Variants in STK39 observed in about 807,000 individuals in gnomAD.
The protein encoded by STK39 is STE20/SPS1-related proline-alanine-rich protein kinase.
STK39 carries 20 observed loss-of-function variants against 77.8 expected under a neutral mutation model. The observed-to-expected ratio is 0.26, with a 90% CI of 0.18 to 0.37. The LOEUF is 0.37. Ranked by LOEUF, STK39 falls within the 10% of genes least tolerant of loss-of-function variation. The probability of loss-of-function intolerance (pLI) is 1.00; values close to 1 mark genes in which losing one functional copy is unlikely to be tolerated. For missense variants in STK39, 479 were observed against 656.5 expected (o/e 0.73, Z 2.95); for synonymous variants, 246 against 234.1 (o/e 1.05, Z -0.47).
intron 10 of STK39, among the ~76,000 whole-genome samples, chr2:168,105,131 G>A (rs1237748906): frequency 6.6e-6 from 1 of 152,204 alleles, no homozygotes; most frequent in Non-Finnish European, 1.5e-5. Context: ...TTTCAAAAAG[G>A]TGATCCTGAC....
intron 1 of STK39, among the ~76,000 whole-genome samples, chr2:168,223,236 G>A (rs967137970): frequency 5.9e-5 from 9 of 152,104 alleles, no homozygotes; most frequent in Non-Finnish European, 1.2e-4. Context: ...TTGGCCAGGC[G>A]CAGTGGCTCA....
intron 14 of STK39, among the ~76,000 whole-genome samples, chr2:168,027,645 A>G (rs1222202019): frequency 2.6e-5 from 4 of 152,170 alleles, no homozygotes; most frequent in Non-Finnish European, 4.4e-5. Flanking sequence ...CACATACACA[A>G]ATACGCACAA....
intron 17 of STK39, among the ~76,000 whole-genome samples, chr2:167,957,877 C>G (rs1378584648): frequency 6.6e-6 from 1 of 152,168 alleles, no homozygotes; most frequent in Non-Finnish European, 1.5e-5. Context: ...GAGAACATCA[C>G]AGAAGGAGTC....
chr2:168,082,399 A>G (rs1686257967), intron 10 of STK39, among the ~76,000 whole-genome samples: 1 of 152,202 alleles, frequency 6.6e-6, no homozygotes, highest in Non-Finnish European at 1.5e-5. Context: ...ATACCGTGCA[A>G]AAATGGTATC....
At chr2:168,198,006 C>A (rs1477502953) in intron 1 of STK39, among the ~76,000 whole-genome samples, 1 of 150,238 alleles carries the variant, frequency 6.7e-6, no homozygotes, top group Non-Finnish European at 1.5e-5. Context: ...CCATTGCACT[C>A]CAGCCTGGGC....
intron 8 of STK39, among the ~76,000 whole-genome samples, chr2:168,134,184 C>T (rs1687773605): frequency 6.6e-6 from 1 of 152,064 alleles, no homozygotes; most frequent in African/African-American, 2.4e-5. Flanking sequence ...AATAATGGTC[C>T]AGGCTTTGAA....
At chr2:168,239,323 A>C (rs1430239838) in intron 1 of STK39, among the ~76,000 whole-genome samples, 1 of 151,986 alleles carries the variant, frequency 6.6e-6, no homozygotes, top group African/African-American at 2.4e-5. Context: ...GGACTTCCCC[A>C]CTCCACCCTA....
chr2:168,044,285 A>G (rs965079024), intron 14 of STK39, among the ~76,000 whole-genome samples: 8 of 152,192 alleles, frequency 5.3e-5, no homozygotes, highest in Non-Finnish European at 1.0e-4. Context: ...TACAGTTTCA[A>G]CACCAATAAC....
intron 16 of STK39, among the ~76,000 whole-genome samples, chr2:167,993,372 A>G (rs1683751493): frequency 6.6e-6 from 1 of 152,198 alleles, no homozygotes; most frequent in Non-Finnish European, 1.5e-5. Flanking sequence ...AAGAATCACT[A>G]AAAGCCAAAT....
At chr2:168,154,287 C>G (rs1378236668) in intron 5 of STK39, among the ~76,000 whole-genome samples, 1 of 152,122 alleles carries the variant, frequency 6.6e-6, no homozygotes, top group Middle Eastern at 3.2e-3. Context: ...TAAAGTTATC[C>G]ACTTGTTAGA....
intron 5 of STK39, among the ~76,000 whole-genome samples, chr2:168,151,979 C>T (rs150315849): frequency 0.018 from 2,798 of 152,266 alleles, 57 homozygotes; most frequent in African/African-American, 0.05. Context: ...ATAATCTGCC[C>T]ATCTATGTCA....
At chr2:168,187,144 A>T (rs1299618217) in intron 1 of STK39, among the ~76,000 whole-genome samples, 1 of 152,114 alleles carries the variant, frequency 6.6e-6, no homozygotes, top group Non-Finnish European at 1.5e-5. Context: ...CAAGGTCAGG[A>T]ATTTGAGACC....
At chr2:168,234,284 G>A (rs1257470852) in intron 1 of STK39, among the ~76,000 whole-genome samples, 2 of 152,206 alleles carry the variant, frequency 1.3e-5, no homozygotes, top group East Asian at 3.8e-4. Flanking sequence ...AGCCTGTAAG[G>A]CAGTCGTAGC....
chr2:168,095,097 A>C (rs1686627215), intron 10 of STK39, among the ~76,000 whole-genome samples: 1 of 152,102 alleles, frequency 6.6e-6, no homozygotes, highest in Non-Finnish European at 1.5e-5. Flanking sequence ...AGCTGTCTTT[A>C]ACAGCTTCTT....
intron 10 of STK39, among the ~76,000 whole-genome samples, chr2:168,117,682 G>C (rs957623882): frequency 7.2e-5 from 11 of 151,850 alleles, no homozygotes; most frequent in Non-Finnish European, 2.9e-5. Flanking sequence ...GTGCATGTGG[G>C]GATTTCAGGA....
In STK39 at chr2:168,018,534, AAAGAAAAGAAAGAAAG is replaced by A. The variant is rs1559059393; in HGVS notation, c.1377-1455_1377-1440del. Among the ~76,000 whole-genome samples the A allele has an allele frequency of 2.3e-3, 171 of 73,660 alleles. 1 individual carries two copies. Among genetic ancestry groups the A allele is most frequent in the African/African-American group, 0.012 (166 of 13,390 alleles). The allele number at this position is 73,660 out of a possible 152,430, so 48.3% of individuals were successfully genotyped here. On this transcript the variant is annotated intron_variant, in intron 14 of 17. Coordinates refer to ENST00000355999, the MANE Select transcript of STK39 (RefSeq NM_013233.3). ...AGAAAAGAAAGAAAAGAAAGAAAAG[AAAGAAAAGAAAGAAAG>A]AAAGAAAGAAAGAAAGAAAGAAAGA...
chr2:168,218,867 C>T (rs1306802306), intron 1 of STK39, among the ~76,000 whole-genome samples: 3 of 151,760 alleles, frequency 2.0e-5, no homozygotes, highest in African/African-American at 7.3e-5. Context: ...ACAACCAGCT[C>T]CCAACTAGTG....
Position 168,132,996 on chromosome 2 carries a change from A to C in STK39, c.975-3238T>G, listed in dbSNP as rs75828984. 2.2e-3 allele frequency among the ~76,000 whole-genome samples: 336 copies of C among 152,322 alleles called. 11 individuals carry two copies. The East Asian group carries it at 0.051, about 23-fold the overall frequency. On this transcript the variant is annotated intron_variant, in intron 8 of 17. Coordinates refer to ENST00000355999, the MANE Select transcript of STK39 (RefSeq NM_013233.3). The stretch of plus-strand genomic sequence containing the variant: ...TATGCATCTGTTCAATACAGCGGGG[A>C]ACAGGAGAAAGACTTAATGAAAATG...
At chr2:168,075,070 A>G in intron 11 of STK39, 39 bp downstream of exon 11, 1 of 1,614,134 alleles carries the variant, frequency 6.2e-7, no homozygotes, top group Non-Finnish European at 8.5e-7. Context: ...CAAAAATAAA[A>G]TTTACACAGA....
Sources: gnomAD v4.1 joint callset for allele counts (sites outside exome capture counted in the v4.1 genomes callset) on GRCh38, gnomAD v4.1.1 for gene constraint, MANE v1.5 for transcripts, NCBI Gene and HGNC (gene_info 2026-07-23, HGNC 2026-07-21) for gene names.